Variants in HYCC2 observed in about 807,000 individuals in gnomAD.
The protein encoded by HYCC2 is hyccin PI4KA lipid kinase complex subunit 2.
chr2:200,976,659 T>C, the HYCC2 span: 9 of 152,270 alleles, frequency 5.9e-5, no homozygotes, highest in East Asian at 7.7e-4. Context: ...AGACTGGAAA[T>C]ACTGAGCTTA....
At chr2:201,053,209 G>A in the HYCC2 span, among the ~76,000 whole-genome samples, 300 of 151,618 alleles carry the variant, frequency 2.0e-3, no homozygotes, top group African/African-American at 6.5e-3. Flanking sequence ...TGCAACCTCC[G>A]CCTCCTGGGT....
chr2:201,045,583 A>G, the HYCC2 span: 1 of 397,906 alleles, frequency 2.5e-6, no homozygotes. Context: ...AGAGTTAAAT[A>G]TTTTCCAATT....
the HYCC2 span, among the ~76,000 whole-genome samples, chr2:200,982,858 A>C: frequency 6.6e-6 from 1 of 152,170 alleles, no homozygotes; most frequent in Non-Finnish European, 1.5e-5. Context: ...CCCAGGTTCA[A>C]GTAATTCTCC....
At chr2:201,055,102 A>G in the HYCC2 span, among the ~76,000 whole-genome samples, 1 of 152,228 alleles carries the variant, frequency 6.6e-6, no homozygotes, top group Non-Finnish European at 1.5e-5. Flanking sequence ...TTCCTTACTT[A>G]GTTAACTGAC....
chr2:200,995,276 A>G, the HYCC2 span, among the ~76,000 whole-genome samples: 3 of 152,204 alleles, frequency 2.0e-5, no homozygotes, highest in Admixed American at 2.0e-4. Flanking sequence ...AAGTTTTGTT[A>G]TAAGCAGGAT....
chr2:201,016,602 ATT>A, the HYCC2 span, among the ~76,000 whole-genome samples: 2 of 140,082 alleles, frequency 1.4e-5, no homozygotes, highest in Admixed American at 7.2e-5. Flanking sequence ...ATTATTTTTA[ATT>A]TTTTTTTTTT....
At chr2:201,070,652 CAAA>C in the HYCC2 span, among the ~76,000 whole-genome samples, 1 of 139,286 alleles carries the variant, frequency 7.2e-6, no homozygotes, top group Non-Finnish European at 1.6e-5. Flanking sequence ...AACTCCGTCT[CAAA>C]AAAAAAAAAA....
At chr2:201,018,488 A>G in the HYCC2 span, among the ~76,000 whole-genome samples, 2 of 152,218 alleles carry the variant, frequency 1.3e-5, no homozygotes, top group African/African-American at 4.8e-5. Flanking sequence ...CTCTACAATA[A>G]AAAGTCACTG....
At chr2:201,010,375 C>T in the HYCC2 span, among the ~76,000 whole-genome samples, 1 of 152,272 alleles carries the variant, frequency 6.6e-6, no homozygotes, top group African/African-American at 2.4e-5. Flanking sequence ...AATTTTTAGA[C>T]TACTAGTAAA....
At chr2:200,978,130 A>G in the HYCC2 span, 1 of 152,238 alleles carries the variant, frequency 6.6e-6, no homozygotes, top group Non-Finnish European at 1.5e-5. Flanking sequence ...TATCTGTAAC[A>G]GCTGTTGTAT....
chr2:201,063,998 G>A, the HYCC2 span: 1 of 1,597,292 alleles, frequency 6.3e-7, no homozygotes, highest in Non-Finnish European at 8.5e-7. Context: ...AAACTAAGGT[G>A]GCTATGGCGG....
the HYCC2 span, among the ~76,000 whole-genome samples, chr2:201,033,689 C>T: frequency 1.6e-4 from 25 of 151,932 alleles, no homozygotes; most frequent in South Asian, 2.5e-3. Context: ...CAGGTGTAAG[C>T]GACGGCACCC....
the HYCC2 span, among the ~76,000 whole-genome samples, chr2:201,024,335 G>C: frequency 1.3e-5 from 2 of 151,616 alleles, no homozygotes; most frequent in South Asian, 2.1e-4. Context: ...TAAAAATCAA[G>C]AAAATTAGCT....
chr2:201,068,932 A>AG, the HYCC2 span, among the ~76,000 whole-genome samples: 1 of 152,212 alleles, frequency 6.6e-6, no homozygotes, highest in African/African-American at 2.4e-5. Flanking sequence ...AAAAAAAGAT[A>AG]ATAAGCCACA....
chr2:201,049,701 A>G, the HYCC2 span, among the ~76,000 whole-genome samples: 1 of 151,962 alleles, frequency 6.6e-6, no homozygotes, highest in Non-Finnish European at 1.5e-5. Flanking sequence ...GCCACAAGAG[A>G]AGTTTCAACA....
At chr2:201,009,256 T>C in the HYCC2 span, 1 of 436,860 alleles carries the variant, frequency 2.3e-6, no homozygotes, top group East Asian at 3.5e-5. Flanking sequence ...ATTATATAAA[T>C]TCTATAGCTT....
At chr2:200,992,845 C>T in the HYCC2 span, 3 of 1,201,088 alleles carry the variant, frequency 2.5e-6, no homozygotes, top group African/African-American at 4.5e-5. Flanking sequence ...AGTTTCTAAA[C>T]ATTAGGAAGA....
chr2:201,011,366 A>G, the HYCC2 span: 1 of 1,323,778 alleles, frequency 7.6e-7, no homozygotes, highest in Non-Finnish European at 1.1e-6. Context: ...AATTTAAAAT[A>G]ATTCCACCTT....
the HYCC2 span, among the ~76,000 whole-genome samples, chr2:200,991,824 G>A: frequency 6.6e-6 from 1 of 151,978 alleles, no homozygotes; most frequent in African/African-American, 2.4e-5. Flanking sequence ...ACTCTGGGAG[G>A]CTGAGGCCAG....
Sources: allele counts gnomAD v4.1 joint callset (sites outside exome capture counted in the v4.1 genomes callset), GRCh38; gene constraint gnomAD v4.1.1; transcripts MANE v1.5; gene names NCBI Gene and HGNC (gene_info 2026-07-23, HGNC 2026-07-21).